Variants in RYR3 observed in about 807,000 individuals in gnomAD.
RYR3 encodes ryanodine receptor 3.
RYR3 carries 207 observed loss-of-function variants against 584.3 expected under a neutral mutation model. The observed-to-expected ratio is 0.35, with a 90% CI of 0.32 to 0.40. The LOEUF (loss-of-function observed/expected upper bound fraction) is 0.40, where lower values mean the gene tolerates loss of function less well. RYR3 is among the 10% of genes least tolerant of loss of function. The pLI is 1.00. For missense variants in RYR3, 5,616 were observed against 6,089.2 expected (o/e 0.92, Z 2.59); for synonymous variants, 2,416 against 2,248.5 (o/e 1.07, Z -2.11).
At chr15:33,705,086 A>G (rs1182774130) in intron 42 of RYR3, among the ~76,000 whole-genome samples, 3 of 136,644 alleles carry the variant, frequency 2.2e-5, no homozygotes, top group South Asian at 2.4e-4. Context: ...GCACACACAC[A>G]TGCACACACA....
chr15:33,860,360 T>G (rs1188130782), intron 100 of RYR3, among the ~76,000 whole-genome samples: 2 of 152,138 alleles, frequency 1.3e-5, no homozygotes, highest in Admixed American at 6.5e-5. Flanking sequence ...GGAAAGAGTT[T>G]CAGGGAGGAG....
intron 39 of RYR3, among the ~76,000 whole-genome samples, chr15:33,697,284 G>C (rs1375127762): frequency 6.6e-6 from 1 of 152,148 alleles, no homozygotes; most frequent in Non-Finnish European, 1.5e-5. Flanking sequence ...TAAATGAAGC[G>C]ACTTTTATGG....
intron 1 of RYR3, among the ~76,000 whole-genome samples, chr15:33,455,625 T>A (rs989833249): frequency 6.6e-6 from 1 of 152,256 alleles, no homozygotes; most frequent in South Asian, 2.1e-4. Flanking sequence ...AATTGAAAGT[T>A]CCTGGCCATC....
chr15:33,807,400 C>T (rs541056549), intron 69 of RYR3, among the ~76,000 whole-genome samples, 155 bp from the exon 70 acceptor site: 2 of 152,338 alleles, frequency 1.3e-5, no homozygotes, highest in South Asian at 4.2e-4. Flanking sequence ...TCATGCTATG[C>T]TCAACTGGCT....
intron 32 of RYR3, among the ~76,000 whole-genome samples, chr15:33,657,164 A>G (rs149405942): frequency 5.9e-5 from 9 of 152,256 alleles, no homozygotes; most frequent in African/African-American, 1.4e-4. Flanking sequence ...ATGTGAGACT[A>G]TACTCTGCGT....
chr15:33,496,849 T>G (rs1000261406), intron 2 of RYR3, among the ~76,000 whole-genome samples: 1 of 152,152 alleles, frequency 6.6e-6, no homozygotes, highest in Non-Finnish European at 1.5e-5. Flanking sequence ...ACCTCTCAAT[T>G]TAGCATTGAA....
intron 3 of RYR3, among the ~76,000 whole-genome samples, chr15:33,507,910 G>C (rs1030232283): frequency 6.6e-6 from 1 of 152,170 alleles, no homozygotes; most frequent in African/African-American, 2.4e-5. Flanking sequence ...GAAAATAAAA[G>C]TATTGGTTCC....
At chr15:33,827,033 G>A (rs986989644) in intron 84 of RYR3, among the ~76,000 whole-genome samples, 166 bp from the exon 85 acceptor site, 10 of 152,292 alleles carry the variant, frequency 6.6e-5, no homozygotes, top group Middle Eastern at 3.4e-3. Context: ...CAGGTTGGGG[G>A]GGTGCTCAGA....
At chr15:33,453,015 C>T (rs1005469526) in intron 1 of RYR3, among the ~76,000 whole-genome samples, 6 of 152,148 alleles carry the variant, frequency 3.9e-5, no homozygotes, top group Non-Finnish European at 8.8e-5. Flanking sequence ...TCCAACCTTT[C>T]TCCTTCCTTT....
At chr15:33,842,747 T>A (rs1371189931) in intron 91 of RYR3, among the ~76,000 whole-genome samples, 1 of 152,220 alleles carries the variant, frequency 6.6e-6, no homozygotes, top group Non-Finnish European at 1.5e-5. Context: ...ACAGAATGGC[T>A]ACATCCAGGT....
In RYR3 at chr15:33,380,885, C is replaced by T. The variant is rs190942455; in HGVS notation, c.51+69789C>T. On this transcript the variant is annotated intron_variant, in intron 1 of 103. Transcript: ENST00000634891. ...ATGGCAATCAAGCCTTTATAGCCAA[C>T]TATTTAATAAAACAAATATTTTAAA... 3.3e-5 allele frequency among the ~76,000 whole-genome samples: 5 copies of T among 152,318 alleles called. 1 individual carries two copies. Among genetic ancestry groups the T allele is most frequent in the East Asian group, 1.9e-4 (1 of 5,182 alleles).
chr15:33,366,842 A>G (rs1975572075), intron 1 of RYR3, among the ~76,000 whole-genome samples: 1 of 152,208 alleles, frequency 6.6e-6, no homozygotes, highest in South Asian at 2.1e-4. Flanking sequence ...GAGACCGGTC[A>G]ATAGAAAATT....
chr15:33,865,319 A>G lies in RYR3; in HGVS notation c.*93A>G, dbSNP rs1180896612. On this transcript the variant is annotated 3_prime_UTR_variant, in exon 104 of 104. Coordinates refer to ENST00000634891, the MANE Select transcript of RYR3 (RefSeq NM_001036.6). ...AGTTCTGCAACATATCTGAAATGTG[A>G]CATTTTCTAAATGCCTCCCTTAAAA... The G allele has an allele frequency of 2.4e-6, 2 of 848,416 alleles. No homozygotes were observed. The highest frequency in any genetic ancestry group is 1.7e-5 in the South Asian group (1 of 57,608). 52.6% of individuals were successfully genotyped at this position (848,416 alleles called of 1,614,324 possible). A position where few individuals can be genotyped will look rare whatever the true frequency, so the allele number is the denominator to read the frequency against.
chr15:33,849,322 A>ACCT (rs1171179471), intron 94 of RYR3: 1 of 152,224 alleles, frequency 6.6e-6, no homozygotes, highest in African/African-American at 2.4e-5. Context: ...ACTGATTGAC[A>ACCT]GGCAGGTGAC....
intron 3 of RYR3, among the ~76,000 whole-genome samples, chr15:33,512,401 A>G (rs1236610888): frequency 1.3e-5 from 2 of 152,360 alleles, no homozygotes; most frequent in East Asian, 3.9e-4. Context: ...ACATTTCTTC[A>G]CATGCTGAGT....
chr15:33,779,165 A>T (rs143782661), intron 64 of RYR3, among the ~76,000 whole-genome samples: 45 of 152,238 alleles, frequency 3.0e-4, no homozygotes, highest in African/African-American at 1.0e-3. Context: ...TGCAGATTCT[A>T]TCATAGTCTT....
In RYR3 at chr15:33,666,326, G is replaced by A. The variant is rs530619996; in HGVS notation, c.5619+2589G>A. Among the ~76,000 whole-genome samples, 16 of 152,178 alleles carry A rather than the reference G, an allele frequency of 1.1e-4. No individual in the cohort carries two copies. In the East Asian group the frequency reaches 2.3e-3, roughly 22 times the overall value. Reference sequence around the variant, plus strand: ...GCCTCACTCCTAGGGTTTCTAATACGGTATGTCTAGGGTGAGGCCTAAGCT... The same window carrying A: ...GCCTCACTCCTAGGGTTTCTAATACAGTATGTCTAGGGTGAGGCCTAAGCT... On this transcript the variant is annotated intron_variant, in intron 36 of 103. Transcript: ENST00000634891.
chr15:33,398,733 G>A (rs2042445448), intron 1 of RYR3, among the ~76,000 whole-genome samples: 1 of 152,188 alleles, frequency 6.6e-6, no homozygotes, highest in Non-Finnish European at 1.5e-5. Flanking sequence ...GAGGTGGGAA[G>A]GGACCAGGAG....
intron 1 of RYR3, among the ~76,000 whole-genome samples, chr15:33,328,962 T>C (rs571195915): frequency 2.6e-5 from 4 of 152,204 alleles, no homozygotes; most frequent in Non-Finnish European, 5.9e-5. Context: ...TCTGGAAATA[T>C]CAGTAAGTAC....
Sources: gnomAD v4.1 joint callset for allele counts (sites outside exome capture counted in the v4.1 genomes callset) on GRCh38, gnomAD v4.1.1 for gene constraint, MANE v1.5 for transcripts, NCBI Gene and HGNC (gene_info 2026-07-23, HGNC 2026-07-21) for gene names.